TNFRSF21: variants seen among roughly 807,000 people sequenced by gnomAD.
TNFRSF21 encodes the protein tumor necrosis factor receptor superfamily member 21.
A neutral mutation model predicts 45.6 loss-of-function variants in TNFRSF21; 19 were observed. The observed-to-expected ratio is 0.42, with a 90% CI of 0.29 to 0.61. The LOEUF is 0.61. TNFRSF21 is among the 20% of genes least tolerant of loss of function. The probability of loss-of-function intolerance (pLI) is 0.23; values close to 1 mark genes in which losing one functional copy is unlikely to be tolerated. For synonymous variants in TNFRSF21, 314 were observed against 335.5 expected (o/e 0.94, Z 0.70); for missense variants, 737 against 851.5 (o/e 0.87, Z 1.67).
rs1764606071 is a variant in TNFRSF21, at chr6:47,232,721, T to C, written c.*44A>G. The C allele has an allele frequency of 6.4e-7, 1 of 1,574,394 alleles. No individual in the cohort carries two copies. The highest frequency in any genetic ancestry group is 8.7e-7 in the Non-Finnish European group (1 of 1,150,790). ...ACAGAAGAAAATTAAAAAACCACCCTGCCACTAAATTGAGTAATTTCCAGA... is the reference window on the plus strand; with the variant it reads ...ACAGAAGAAAATTAAAAAACCACCCCGCCACTAAATTGAGTAATTTCCAGA... On this transcript the variant is annotated 3_prime_UTR_variant, in exon 6 of 6. Transcript: ENST00000296861.
intron 3 of TNFRSF21, among the ~76,000 whole-genome samples, chr6:47,261,096 C>T (rs1043715062): frequency 2.0e-5 from 3 of 152,136 alleles, no homozygotes; most frequent in South Asian, 2.1e-4. Context: ...TTCTAACACC[C>T]CCCCAAACCT....
intron 4 of TNFRSF21, among the ~76,000 whole-genome samples, chr6:47,247,758 T>C (rs1259638558): frequency 6.6e-6 from 1 of 152,186 alleles, no homozygotes; most frequent in Non-Finnish European, 1.5e-5. Flanking sequence ...GAGTCTACTA[T>C]AGTAGAGAGA....
At chr6:47,281,975 G>T (rs913050942) in intron 3 of TNFRSF21, among the ~76,000 whole-genome samples, 4 of 152,050 alleles carry the variant, frequency 2.6e-5, no homozygotes, top group African/African-American at 9.7e-5. Context: ...ACTTTCACTT[G>T]ACTTTTGACC....
intron 3 of TNFRSF21, among the ~76,000 whole-genome samples, chr6:47,257,340 T>C (rs1162648834): frequency 6.6e-6 from 1 of 152,236 alleles, no homozygotes; most frequent in Non-Finnish European, 1.5e-5. Context: ...CTCTCTCAGC[T>C]AGATTCTCTA....
At chr6:47,273,251 T>C (rs1047312762) in intron 3 of TNFRSF21, among the ~76,000 whole-genome samples, 4 of 152,194 alleles carry the variant, frequency 2.6e-5, no homozygotes, top group Admixed American at 6.5e-5. Flanking sequence ...TGAACATCAA[T>C]GGGAAAATCC....
intron 1 of TNFRSF21, among the ~76,000 whole-genome samples, chr6:47,307,891 A>G (rs1198205050): frequency 1.3e-5 from 2 of 152,212 alleles, no homozygotes; most frequent in Admixed American, 1.3e-4. Context: ...AGTGGATAGT[A>G]GTGGATCTAA....
chr6:47,301,462 A>G (rs1187931813), intron 1 of TNFRSF21, among the ~76,000 whole-genome samples: 2 of 152,256 alleles, frequency 1.3e-5, no homozygotes, highest in African/African-American at 4.8e-5. Flanking sequence ...AAAGAATAGC[A>G]AAGATTGAAT....
intron 4 of TNFRSF21, 98 bp downstream of exon 4, chr6:47,253,158 C>T (rs1764926429): frequency 1.4e-5 from 20 of 1,420,896 alleles, no homozygotes; most frequent in Non-Finnish European, 1.8e-5. Context: ...GCCTATCCAC[C>T]GAATATGTTA....
intron 3 of TNFRSF21, among the ~76,000 whole-genome samples, chr6:47,266,282 T>A (rs1030085431): frequency 2.6e-5 from 4 of 152,298 alleles, no homozygotes; most frequent in Middle Eastern, 3.4e-3. Flanking sequence ...AAAAGAGGAA[T>A]CACACTTGGG....
intron 3 of TNFRSF21, among the ~76,000 whole-genome samples, chr6:47,272,614 G>A (rs999859381): frequency 3.3e-5 from 5 of 152,052 alleles, no homozygotes; most frequent in African/African-American, 1.2e-4. Flanking sequence ...AACTAGAGAA[G>A]CAAGAGCAAA....
rs551832313 is a variant in TNFRSF21, at chr6:47,265,392, GTTTTGT to G, written c.1244-11877_1244-11872del. Among the ~76,000 whole-genome samples the G allele has an allele frequency of 7.2e-3, 992 of 137,172 alleles. 7 individuals carry two copies. Among genetic ancestry groups the G allele is most frequent in the African/African-American group, 0.024 (931 of 38,724 alleles). The allele number at this position is 137,172 out of a possible 152,430, so 90.0% of individuals were successfully genotyped here. A position where few individuals can be genotyped will look rare whatever the true frequency, so the allele number is the denominator to read the frequency against. ...CAGTTTTTTTGTTTTGTTTTGTTTT[GTTTTGT>G]TTTTTTTAAATCAACCACAAAAGGT... On this transcript the variant is annotated intron_variant, in intron 3 of 5. Coordinates refer to ENST00000296861, the MANE Select transcript of TNFRSF21 (RefSeq NM_014452.5).
intron 3 of TNFRSF21, among the ~76,000 whole-genome samples, chr6:47,263,593 G>C (rs1293612275): frequency 6.6e-6 from 1 of 152,136 alleles, no homozygotes; most frequent in Non-Finnish European, 1.5e-5. Context: ...TGGAGGCAAA[G>C]GGAAGAAAGT....
intron 1 of TNFRSF21, among the ~76,000 whole-genome samples, chr6:47,288,486 C>T (rs1336296103): frequency 1.3e-5 from 2 of 151,420 alleles, no homozygotes; most frequent in African/African-American, 4.9e-5. Flanking sequence ...TGTCACAGAT[C>T]GTTGAGCTGT....
intron 5 of TNFRSF21, 70 bp from the exon 6 acceptor site, chr6:47,233,064 G>T: frequency 1.4e-6 from 2 of 1,436,610 alleles, no homozygotes; most frequent in Non-Finnish European, 1.9e-6. Context: ...AGGAAGGAGA[G>T]CAGGGTCCTA....
At chr6:47,258,918 T>C (rs912406589) in intron 3 of TNFRSF21, among the ~76,000 whole-genome samples, 4 of 152,192 alleles carry the variant, frequency 2.6e-5, no homozygotes, top group Admixed American at 2.6e-4. Context: ...ACACCACAAA[T>C]GAATGTGGCT....
chr6:47,249,706 G>A (rs936578728), intron 4 of TNFRSF21, among the ~76,000 whole-genome samples: 14 of 152,142 alleles, frequency 9.2e-5, no homozygotes, highest in African/African-American at 2.9e-4. Context: ...AAACAAAAGC[G>A]AAGTATAAGA....
intron 4 of TNFRSF21, among the ~76,000 whole-genome samples, chr6:47,244,315 C>T (rs1366016321): frequency 7.5e-6 from 1 of 133,878 alleles, no homozygotes; most frequent in Non-Finnish European, 1.5e-5. Flanking sequence ...CACAGCAAGA[C>T]TCCGTCTCAA....
intron 3 of TNFRSF21, among the ~76,000 whole-genome samples, chr6:47,264,462 C>T (rs2113855080): frequency 6.9e-6 from 1 of 144,672 alleles, no homozygotes. Flanking sequence ...TTGCAGTGAG[C>T]TGAGATCGCG....
intron 3 of TNFRSF21, among the ~76,000 whole-genome samples, chr6:47,260,204 T>C (rs114402212): frequency 0.024 from 3,646 of 152,192 alleles, 152 homozygotes; most frequent in African/African-American, 0.083. Context: ...AGCACCAGAC[T>C]CCCGGCTTCC....
Sources: gnomAD v4.1 joint callset for allele counts (sites outside exome capture counted in the v4.1 genomes callset) on GRCh38, gnomAD v4.1.1 for gene constraint, MANE v1.5 for transcripts, NCBI Gene and HGNC (gene_info 2026-07-23, HGNC 2026-07-21) for gene names.